Variants in RNGTT observed in about 807,000 individuals in gnomAD.
RNGTT encodes the protein mRNA-capping enzyme.
Under a neutral mutation model 79.3 loss-of-function variants are expected in RNGTT, and 33 were observed. The observed-to-expected ratio is 0.42, with a 90% CI of 0.32 to 0.56. The LOEUF is 0.56. Ranked by LOEUF, RNGTT falls within the 20% of genes least tolerant of loss-of-function variation. RNGTT has a pLI of 0.17. For synonymous variants in RNGTT, 222 were observed against 235.9 expected (o/e 0.94, Z 0.54); for missense variants, 497 against 739.1 (o/e 0.67, Z 3.80).
chr6:88,935,866 T>C (rs976523102), intron 2 of RNGTT, among the ~76,000 whole-genome samples: 1 of 152,206 alleles, frequency 6.6e-6, no homozygotes, highest in Admixed American at 6.5e-5. Flanking sequence ...CTTTCTCAGC[T>C]AGTTCAGTAT....
chr6:88,679,206 C>T (rs1455295696), intron 13 of RNGTT, among the ~76,000 whole-genome samples: 1 of 152,070 alleles, frequency 6.6e-6, no homozygotes, highest in African/African-American at 2.4e-5. Context: ...CAAAAGGTAC[C>T]CTCCAATAAG....
intron 6 of RNGTT, among the ~76,000 whole-genome samples, chr6:88,900,536 C>G (rs1451703734): frequency 1.3e-5 from 2 of 151,860 alleles, no homozygotes; most frequent in African/African-American, 2.4e-5. Context: ...GAGATCCACA[C>G]AAGCCTGGCC....
intron 14 of RNGTT, among the ~76,000 whole-genome samples, chr6:88,658,647 T>C (rs766216285): frequency 2.0e-5 from 3 of 152,182 alleles, no homozygotes; most frequent in African/African-American, 4.8e-5. Context: ...GACATTAACA[T>C]TTGAGTCTGT....
At chr6:88,904,996 T>C (rs751342424) in intron 5 of RNGTT, 41 bp from the exon 6 acceptor site, 1 of 1,597,808 alleles carries the variant, frequency 6.3e-7, no homozygotes, top group Non-Finnish European at 8.5e-7. Context: ...CGCTATCCTC[T>C]ATTTATGCAG....
intron 14 of RNGTT, among the ~76,000 whole-genome samples, chr6:88,654,907 A>G (rs1233561871): frequency 6.6e-6 from 1 of 152,250 alleles, no homozygotes; most frequent in Non-Finnish European, 1.5e-5. Flanking sequence ...TTGAAACTTC[A>G]GCTCACATTA....
In RNGTT at chr6:88,725,621, G is replaced by A. The variant is rs190911352; in HGVS notation, c.1439+44153C>T. ...GAGGTGAGAAATCCCCATGGGGGGC[G>A]GGGTGTTGAACCTCAGAAAGAGGTG... On this transcript the variant is annotated intron_variant, in intron 13 of 15. Transcript: ENST00000369485. Among the ~76,000 whole-genome samples the A allele has an allele frequency of 9.7e-4, 148 of 152,248 alleles. 1 individual carries two copies. Among genetic ancestry groups the A allele is most frequent in the South Asian group, 1.5e-3 (7 of 4,826 alleles).
chr6:88,694,806 A>T (rs1486357654), intron 13 of RNGTT, among the ~76,000 whole-genome samples: 1 of 152,144 alleles, frequency 6.6e-6, no homozygotes. Flanking sequence ...TTTATGGTCA[A>T]TTGATTTTTG....
intron 8 of RNGTT, among the ~76,000 whole-genome samples, chr6:88,874,934 C>T (rs1367864326): frequency 6.6e-6 from 1 of 151,968 alleles, no homozygotes; most frequent in African/African-American, 2.4e-5. Context: ...GTATCTCTTA[C>T]TTAGTTGTCT....
chr6:88,905,506 A>G (rs1783623412), intron 5 of RNGTT, among the ~76,000 whole-genome samples: 6 of 152,262 alleles, frequency 3.9e-5, no homozygotes, highest in Admixed American at 3.9e-4. Context: ...GTGTACTTCA[A>G]CTGATTATAT....
At chr6:88,842,996 C>A (rs1293725825) in intron 11 of RNGTT, among the ~76,000 whole-genome samples, 1 of 151,832 alleles carries the variant, frequency 6.6e-6, no homozygotes, top group South Asian at 2.1e-4. Flanking sequence ...GATCACTTGA[C>A]CCCAGGAGGT....
intron 8 of RNGTT, among the ~76,000 whole-genome samples, chr6:88,860,552 A>C (rs907396028): frequency 1.3e-5 from 2 of 152,312 alleles, no homozygotes; most frequent in African/African-American, 4.8e-5. Flanking sequence ...TCCTAATCAA[A>C]GTGTTCCTGT....
At chr6:88,640,566 G>GAAAAGA (rs1773274876) in intron 14 of RNGTT, among the ~76,000 whole-genome samples, 1 of 128,916 alleles carries the variant, frequency 7.8e-6, no homozygotes, top group African/African-American at 2.8e-5. Context: ...AAAAAGAAAA[G>GAAAAGA]AAAAAAAAAA....
At chr6:88,733,971 A>G (rs1235609363) in intron 13 of RNGTT, among the ~76,000 whole-genome samples, 2 of 152,216 alleles carry the variant, frequency 1.3e-5, no homozygotes, top group African/African-American at 4.8e-5. Context: ...ACAGAGAGAA[A>G]AAAAAGATAC....
In RNGTT at chr6:88,769,885, T is replaced by A. The variant is rs1778590829; in HGVS notation, c.1339-11A>T. On this transcript the variant is annotated splice_polypyrimidine_tract_variant and intron_variant, in intron 12 of 15. Transcript: ENST00000369485. ...ACCAGGTTTGTATTTCTAAAGCCAA[T>A]TAAAATGATGACAATCGTTACTAAG... 2 of 1,573,808 alleles carry A rather than the reference T, an allele frequency of 1.3e-6. No homozygotes were observed. Among genetic ancestry groups the A allele is most frequent in the East Asian group, 4.5e-5 (2 of 44,474 alleles).
chr6:88,928,475 C>T (rs1193045480), intron 4 of RNGTT, among the ~76,000 whole-genome samples: 1 of 152,084 alleles, frequency 6.6e-6, no homozygotes. Flanking sequence ...CTATTTTGTT[C>T]ACTGATGTGT....
intron 12 of RNGTT, among the ~76,000 whole-genome samples, chr6:88,784,298 G>A (rs1458632655): frequency 1.3e-5 from 2 of 152,094 alleles, no homozygotes; most frequent in Non-Finnish European, 2.9e-5. Flanking sequence ...GACAGAGATG[G>A]TCTCTGTCTT....
chr6:88,939,164 T>G (rs1339346992), intron 2 of RNGTT, among the ~76,000 whole-genome samples: 2 of 152,208 alleles, frequency 1.3e-5, no homozygotes, highest in African/African-American at 4.8e-5. Flanking sequence ...ACTTAGAAAG[T>G]TTTAATCTAT....
chr6:88,849,936 T>G, intron 9 of RNGTT, 110 bp from the exon 10 acceptor site: 6 of 1,048,196 alleles, frequency 5.7e-6, no homozygotes, highest in Non-Finnish European at 1.3e-6. Flanking sequence ...AATATACAAC[T>G]TGATGAAATT....
At chr6:88,622,773 A>G (rs1277249652) in intron 14 of RNGTT, among the ~76,000 whole-genome samples, 6 of 152,098 alleles carry the variant, frequency 3.9e-5, no homozygotes, top group Admixed American at 3.9e-4. Context: ...ACAGTTCCTG[A>G]GCTCTAGAAC....
Sources: allele counts gnomAD v4.1 joint callset (sites outside exome capture counted in the v4.1 genomes callset), GRCh38; gene constraint gnomAD v4.1.1; transcripts MANE v1.5; gene names NCBI Gene and HGNC (gene_info 2026-07-23, HGNC 2026-07-21).